Variants in SESN1 observed in about 807,000 individuals in gnomAD.
The protein encoded by SESN1 is sestrin 1, also known as sestrin-1.
A neutral mutation model predicts 59.3 loss-of-function variants in SESN1; 30 were observed. The observed-to-expected ratio is 0.51, with a 90% CI of 0.38 to 0.69. SESN1 has a LOEUF of 0.69. Ranked by LOEUF, SESN1 falls within the 30% of genes least tolerant of loss-of-function variation. The probability of loss-of-function intolerance (pLI) is 0.00; values close to 1 mark genes in which losing one functional copy is unlikely to be tolerated. For synonymous variants in SESN1, 197 were observed against 219.9 expected (o/e 0.90, Z 0.92); for missense variants, 566 against 673.0 (o/e 0.84, Z 1.76).
rs773579186 is a variant in SESN1, at chr6:109,000,687, G to T, written c.547-14C>A. The T allele has an allele frequency of 2.0e-6, 3 of 1,517,588 alleles. No individual in the cohort carries two copies. The African/African-American group carries it at 4.2e-5, about 21-fold the overall frequency. 94.0% of individuals were successfully genotyped at this position (1,517,588 alleles called of 1,614,324 possible). On this transcript the variant is annotated splice_polypyrimidine_tract_variant and intron_variant, in intron 3 of 9. Transcript: ENST00000436639. ...TCTTGCCGCAGCCTTAAAACAAAAA[G>T]ATTATTCTAATTATAAATATTAAAA...
chr6:109,043,627 T>C (rs567490503), intron 1 of SESN1, among the ~76,000 whole-genome samples: 80 of 151,992 alleles, frequency 5.3e-4, no homozygotes, highest in African/African-American at 1.8e-3. Flanking sequence ...AAAAAGAAAA[T>C]AGGCATAAAT....
intron 1 of SESN1, among the ~76,000 whole-genome samples, chr6:109,008,311 G>A (rs1779776962): frequency 6.6e-6 from 1 of 152,154 alleles, no homozygotes; most frequent in African/African-American, 2.4e-5. Flanking sequence ...AACTGTAAAT[G>A]TTAATTCAAT....
chr6:109,072,587 T>A (rs1222648504), intron 1 of SESN1, among the ~76,000 whole-genome samples: 4 of 152,306 alleles, frequency 2.6e-5, no homozygotes, highest in African/African-American at 4.8e-5. Context: ...TTACTTTTTT[T>A]AATAAACAAA....
rs1562453793 is a variant in SESN1 at position 108,994,568 on chromosome 6, C to T, written c.1014G>A (p.Lys338=). ...CTCGACATTCCTGTAACTGCCTCAT[C>T]TTTTCCATGAGGGCTTCAACCTCAA... ...SFFEVEALME[K]MRQLQECRDE... is the part of the protein sequence containing the mutation. Residue 338 remains lysine (K), a synonymous_variant, in exon 6 of 10, where the codon AAG becomes AAA. Transcript: ENST00000436639. 1 of 1,613,492 alleles carries T rather than the reference C, an allele frequency of 6.2e-7. No individual in the cohort carries two copies. Among genetic ancestry groups the T allele is most frequent in the Non-Finnish European group, 8.5e-7 (1 of 1,179,742 alleles).
At chr6:109,023,339 A>G (rs1341000064) in intron 1 of SESN1, among the ~76,000 whole-genome samples, 1 of 152,198 alleles carries the variant, frequency 6.6e-6, no homozygotes, top group African/African-American at 2.4e-5. Context: ...CTCAAATTTC[A>G]TCTTCTGAAC....
chr6:109,082,077 T>C (rs1024167015), intron 1 of SESN1, among the ~76,000 whole-genome samples: 15 of 152,148 alleles, frequency 9.9e-5, no homozygotes, highest in East Asian at 1.9e-4. Flanking sequence ...TGAAGACACG[T>C]TGAAATTTAA....
At chr6:109,045,865 G>A (rs1474235244) in intron 1 of SESN1, among the ~76,000 whole-genome samples, 2 of 152,162 alleles carry the variant, frequency 1.3e-5, no homozygotes, top group Admixed American at 1.3e-4. Flanking sequence ...ACACAGAGTA[G>A]ATAATACATG....
At chr6:108,989,026 G>A (rs762457411) in intron 8 of SESN1, among the ~76,000 whole-genome samples, 8 of 152,062 alleles carry the variant, frequency 5.3e-5, no homozygotes, top group East Asian at 3.9e-4. Flanking sequence ...TTATTGAGAC[G>A]GAGTCTTGCC....
At chr6:109,009,169 T>A (rs2114340406) in intron 1 of SESN1, among the ~76,000 whole-genome samples, 1 of 152,256 alleles carries the variant, frequency 6.6e-6, no homozygotes, top group South Asian at 2.1e-4. Context: ...AGGCAACCCC[T>A]TCCCCCGAGG....
chr6:109,078,398 T>A (rs2114473053), intron 1 of SESN1, among the ~76,000 whole-genome samples: 1 of 152,084 alleles, frequency 6.6e-6, no homozygotes, highest in South Asian at 2.1e-4. Context: ...AAATAAAATA[T>A]AAATATAAAT....
chr6:109,045,997 C>G (rs913255963), intron 1 of SESN1, among the ~76,000 whole-genome samples: 19 of 152,128 alleles, frequency 1.2e-4, no homozygotes, highest in African/African-American at 4.6e-4. Flanking sequence ...AATGAAAAAC[C>G]AATGCCTCAA....
chr6:108,989,448 T>G (rs1779300730), intron 8 of SESN1, among the ~76,000 whole-genome samples: 1 of 148,968 alleles, frequency 6.7e-6, no homozygotes, highest in South Asian at 2.1e-4. Flanking sequence ...TCTAGATACA[T>G]CTCTATATCT....
chr6:109,014,958 T>C (rs902167961), intron 1 of SESN1, among the ~76,000 whole-genome samples: 3 of 152,196 alleles, frequency 2.0e-5, no homozygotes, highest in Admixed American at 1.3e-4. Context: ...CTTCATAAAA[T>C]CAGAATGTCT....
intron 9 of SESN1, chr6:108,988,295 T>A (rs1779256807): frequency 2.9e-6 from 1 of 345,350 alleles, no homozygotes; most frequent in Admixed American, 4.7e-5. Flanking sequence ...AACAGTCTTC[T>A]ATGTGCTGAC....
chr6:109,013,624 T>C (rs1466987938), intron 1 of SESN1, among the ~76,000 whole-genome samples: 5 of 152,354 alleles, frequency 3.3e-5, no homozygotes, highest in Non-Finnish European at 4.4e-5. Flanking sequence ...CCCTGTACTA[T>C]AGATTTGCAC....
chr6:109,063,486 G>T (rs1172039137), intron 1 of SESN1, among the ~76,000 whole-genome samples: 1 of 152,126 alleles, frequency 6.6e-6, no homozygotes, highest in African/African-American at 2.4e-5. Context: ...TGGAGACAGA[G>T]CAATCAAAAT....
rs141699428 is a variant in SESN1 at position 109,083,952 on chromosome 6, C to T, written c.279+9843G>A. ...CATGTAAAATTTAAAGACAAGTGTGCAGTGCTTGTCAAACACAGAGGTATC... is the reference window on the plus strand; with the variant it reads ...CATGTAAAATTTAAAGACAAGTGTGTAGTGCTTGTCAAACACAGAGGTATC... On this transcript the variant is annotated intron_variant, in intron 1 of 9. Transcript: ENST00000436639. Among the ~76,000 whole-genome samples the T allele has an allele frequency of 6.7e-3, 1,013 of 152,254 alleles. 11 individuals carry two copies. Among genetic ancestry groups the T allele is most frequent in the African/African-American group, 0.023 (947 of 41,548 alleles).
chr6:109,032,624 G>A (rs1005869799), intron 1 of SESN1, among the ~76,000 whole-genome samples: 16 of 151,766 alleles, frequency 1.1e-4, no homozygotes, highest in Non-Finnish European at 4.4e-5. Flanking sequence ...TCTCGTGGGG[G>A]GAGTGGGGGG....
At chr6:109,013,956 A>G (rs1207214966) in intron 1 of SESN1, among the ~76,000 whole-genome samples, 1 of 150,892 alleles carries the variant, frequency 6.6e-6, no homozygotes, top group Non-Finnish European at 1.5e-5. Context: ...TGGGTACATT[A>G]AGATCCTTTT....
Sources: allele counts gnomAD v4.1 joint callset (sites outside exome capture counted in the v4.1 genomes callset), GRCh38; gene constraint gnomAD v4.1.1; transcripts MANE v1.5; gene names NCBI Gene and HGNC (gene_info 2026-07-23, HGNC 2026-07-21).